Variants in TLN2 observed in about 807,000 individuals in gnomAD.
The protein encoded by TLN2 is talin-2.
In TLN2, 118 loss-of-function variants were observed where a neutral mutation model predicts 294.7. The observed-to-expected ratio is 0.40, with a 90% CI of 0.34 to 0.47. TLN2 has a LOEUF of 0.47. TLN2 is among the 20% of genes least tolerant of loss of function. The pLI is 0.84. For missense variants in TLN2, 3,083 were observed against 3,282.2 expected (o/e 0.94, Z 1.48); for synonymous variants, 1,431 against 1,304.5 (o/e 1.10, Z -2.09).
At chr15:62,646,213 A>C (rs2051816249) in intron 3 of TLN2, among the ~76,000 whole-genome samples, 1 of 150,942 alleles carries the variant, frequency 6.6e-6, no homozygotes, top group Non-Finnish European at 1.5e-5. Context: ...CCCAGGCTGG[A>C]GTGCAGTGGC....
intron 1 of TLN2, among the ~76,000 whole-genome samples, chr15:62,405,879 G>A (rs1462398061): frequency 2.0e-5 from 3 of 152,216 alleles, no homozygotes; most frequent in Non-Finnish European, 4.4e-5. Flanking sequence ...CCGATCTTGT[G>A]ACAGTAGCTA....
chr15:62,743,948 C>T (rs188790141), intron 32 of TLN2, among the ~76,000 whole-genome samples: 4 of 152,262 alleles, frequency 2.6e-5, no homozygotes, highest in East Asian at 1.9e-4. Flanking sequence ...TCTTGCTGGA[C>T]GGGGCTCCTC....
chr15:62,769,595 A>G (rs562784563), intron 41 of TLN2, among the ~76,000 whole-genome samples: 2 of 152,208 alleles, frequency 1.3e-5, no homozygotes, highest in South Asian at 4.1e-4. Flanking sequence ...ATGTCTCACT[A>G]TTAGCGTTAA....
chr15:62,716,472 G>C lies in TLN2; in HGVS notation c.2763+13G>C, dbSNP rs779404725. Reference sequence around the variant, plus strand: ...CAACCGACTGGAGGTAAGGAAAGAGGCTGCCTTTCTGGGATGCCCATCTTA... The same window carrying C: ...CAACCGACTGGAGGTAAGGAAAGAGCCTGCCTTTCTGGGATGCCCATCTTA... On this transcript the variant is annotated intron_variant, in intron 23 of 58. Coordinates refer to ENST00000636159, the MANE Select transcript of TLN2 (RefSeq NM_015059.3). The C allele has an allele frequency of 6.3e-7, 1 of 1,589,356 alleles. No homozygotes were observed. Among genetic ancestry groups the C allele is most frequent in the South Asian group, 1.2e-5 (1 of 86,184 alleles).
At chr15:62,706,341 G>A (rs1595731996) in intron 19 of TLN2, among the ~76,000 whole-genome samples, 2 of 152,266 alleles carry the variant, frequency 1.3e-5, no homozygotes, top group South Asian at 2.1e-4. Flanking sequence ...TCTGCAGGCA[G>A]AATGCCTAGT....
chr15:62,505,237 G>A (rs1281313826), intron 1 of TLN2, among the ~76,000 whole-genome samples: 2 of 152,168 alleles, frequency 1.3e-5, no homozygotes, highest in African/African-American at 2.4e-5. Context: ...GATTACAGGC[G>A]TGAGCCACTG....
chr15:62,597,909 G>A (rs1206900413), intron 2 of TLN2, among the ~76,000 whole-genome samples: 1 of 152,160 alleles, frequency 6.6e-6, no homozygotes, highest in Non-Finnish European at 1.5e-5. Context: ...ATGAGTTCAG[G>A]TGTGGAATTT....
At chr15:62,760,750 A>G (rs1476514616) in intron 37 of TLN2, among the ~76,000 whole-genome samples, 1 of 152,150 alleles carries the variant, frequency 6.6e-6, no homozygotes, top group East Asian at 1.9e-4. Context: ...TAAATCAGCA[A>G]TAGGCCTGAT....
intron 44 of TLN2, 100 bp downstream of exon 44, chr15:62,781,341 C>T (rs1217683583): frequency 1.1e-6 from 1 of 875,124 alleles, no homozygotes; most frequent in African/African-American, 1.7e-5. Flanking sequence ...AGAGAGAGCC[C>T]AGACCACTCT....
At chr15:62,838,062 A>G (rs2069993018) in intron 57 of TLN2, 1 of 152,254 alleles carries the variant, frequency 6.6e-6, no homozygotes, top group Non-Finnish European at 1.5e-5. Flanking sequence ...CAATACAGGC[A>G]ATAGCCCTTA....
rs111814795 is a variant in TLN2, at chr15:62,447,955, C to G, written c.-238+57270C>G. Among the ~76,000 whole-genome samples, 590 of 152,350 alleles carry G rather than the reference C, an allele frequency of 3.9e-3. 5 individuals are homozygous for G. The highest frequency in any genetic ancestry group is 0.013 in the African/African-American group (555 of 41,584). On this transcript the variant is annotated intron_variant, in intron 1 of 58. Coordinates refer to ENST00000636159, the MANE Select transcript of TLN2 (RefSeq NM_015059.3). Reference sequence around the variant, plus strand: ...AGGTGCTCGTGACACCAGAATAGAACTTGGCTATTCCTCACTGTGAGTGGG... The same window carrying G: ...AGGTGCTCGTGACACCAGAATAGAAGTTGGCTATTCCTCACTGTGAGTGGG...
intron 1 of TLN2, among the ~76,000 whole-genome samples, chr15:62,413,639 G>C (rs189959134): frequency 6.6e-6 from 1 of 152,196 alleles, no homozygotes; most frequent in Admixed American, 6.5e-5. Context: ...TATTGCCAAG[G>C]TCTGCAGGGA....
chr15:62,666,848 T>G (rs1362327836), intron 9 of TLN2, among the ~76,000 whole-genome samples: 1 of 152,242 alleles, frequency 6.6e-6, no homozygotes, highest in African/African-American at 2.4e-5. Flanking sequence ...ACTGTGTCAG[T>G]GGTTCTCCAA....
chr15:62,454,172 A>G (rs992128050), intron 1 of TLN2, among the ~76,000 whole-genome samples: 1 of 151,956 alleles, frequency 6.6e-6, no homozygotes, highest in Non-Finnish European at 1.5e-5. Context: ...CCCCTAAGGG[A>G]TTCTGTGATG....
chr15:62,402,485 T>G (rs1395533332), intron 1 of TLN2, among the ~76,000 whole-genome samples: 1 of 152,216 alleles, frequency 6.6e-6, no homozygotes, highest in Non-Finnish European at 1.5e-5. Flanking sequence ...GCTCAGATTC[T>G]TGCATATACC....
intron 5 of TLN2, among the ~76,000 whole-genome samples, chr15:62,650,444 A>G (rs1036848581): frequency 6.6e-6 from 1 of 152,218 alleles, no homozygotes; most frequent in African/African-American, 2.4e-5. Context: ...ATTGTGAGAT[A>G]AGATACAGCA....
chr15:62,594,431 C>T (rs556135839), intron 2 of TLN2, among the ~76,000 whole-genome samples: 1 of 152,244 alleles, frequency 6.6e-6, no homozygotes, highest in Non-Finnish European at 1.5e-5. Flanking sequence ...TGGTTTCAAA[C>T]TCCTAGGCTC....
rs1024250840 is a variant in TLN2, at chr15:62,835,593, G to T, written c.7129-144G>T. 24 of 829,844 alleles carry T rather than the reference G, an allele frequency of 2.9e-5. No individual in the cohort carries two copies. The African/African-American group carries it at 3.7e-4, about 13-fold the overall frequency. 51.4% of individuals were successfully genotyped at this position (829,844 alleles called of 1,614,324 possible). Reference sequence around the variant, plus strand: ...ATGGCCTGAGTCCCACGTGAGAAAGGTTGCTCCATTCTCAGGCCTGTGCTG... The same window carrying T: ...ATGGCCTGAGTCCCACGTGAGAAAGTTTGCTCCATTCTCAGGCCTGTGCTG... On this transcript the variant is annotated intron_variant, in intron 55 of 58. Coordinates refer to ENST00000636159, the MANE Select transcript of TLN2 (RefSeq NM_015059.3).
chr15:62,760,481 A>G (rs915277791), intron 37 of TLN2, among the ~76,000 whole-genome samples: 2 of 152,028 alleles, frequency 1.3e-5, no homozygotes, highest in African/African-American at 4.8e-5. Context: ...TATGTTGCTC[A>G]TAAGGGTTAA....
Sources: gnomAD v4.1 joint callset for allele counts (sites outside exome capture counted in the v4.1 genomes callset) on GRCh38, gnomAD v4.1.1 for gene constraint, MANE v1.5 for transcripts, NCBI Gene and HGNC (gene_info 2026-07-23, HGNC 2026-07-21) for gene names.